The following ADAMTS19 variants were observed in gnomAD, a reference collection of about 807,000 sequenced individuals.
ADAMTS19 encodes A disintegrin and metalloproteinase with thrombospondin motifs 19.
A neutral mutation model predicts 153.3 loss-of-function variants in ADAMTS19; 93 were observed. The ratio of observed to expected loss-of-function variants is 0.61; its 90% CI spans 0.51 to 0.72. The LOEUF (loss-of-function observed/expected upper bound fraction) is 0.72, where lower values mean the gene tolerates loss of function less well. Among genes scored for constraint, ADAMTS19 ranks in the 30% least tolerant of loss-of-function variants. ADAMTS19 has a pLI of 0.00. For synonymous variants in ADAMTS19, 600 were observed against 556.6 expected (o/e 1.08, Z -1.10); for missense variants, 1,482 against 1,552.1 (o/e 0.95, Z 0.76).
intron 17 of ADAMTS19, among the ~76,000 whole-genome samples, chr5:129,681,832 G>C (rs1754829423): frequency 1.3e-5 from 2 of 152,090 alleles, no homozygotes; most frequent in African/African-American, 4.8e-5. Context: ...TCTGCCTTAT[G>C]CCATCTAGCG....
At chr5:129,633,095 GT>G (rs910093170) in intron 10 of ADAMTS19, among the ~76,000 whole-genome samples, 1 of 151,934 alleles carries the variant, frequency 6.6e-6, no homozygotes, top group African/African-American at 2.4e-5. Flanking sequence ...CTCCTTCAGA[GT>G]GGGTAATTCC....
At chr5:129,655,309 A>G (rs144251412) in intron 14 of ADAMTS19, among the ~76,000 whole-genome samples, 1 of 152,264 alleles carries the variant, frequency 6.6e-6, no homozygotes, top group Non-Finnish European at 1.5e-5. Flanking sequence ...AACATCTACT[A>G]TTGTTTGGAT....
intron 16 of ADAMTS19, among the ~76,000 whole-genome samples, chr5:129,666,259 A>C (rs1754051582): frequency 6.6e-6 from 1 of 152,146 alleles, no homozygotes. Flanking sequence ...CATATGTTAA[A>C]GTTTCAATCT....
intron 6 of ADAMTS19, among the ~76,000 whole-genome samples, chr5:129,529,563 A>C (rs1441999160): frequency 2.6e-5 from 4 of 152,200 alleles, no homozygotes; most frequent in African/African-American, 9.6e-5. Flanking sequence ...TAGTCATTGG[A>C]GAATGAACAG....
intron 3 of ADAMTS19, among the ~76,000 whole-genome samples, chr5:129,517,794 T>C (rs1751661780): frequency 6.6e-6 from 1 of 152,072 alleles, no homozygotes; most frequent in Non-Finnish European, 1.5e-5. Context: ...AATGTTATTA[T>C]TGATAAGTAA....
chr5:129,460,611 G>C (rs1749614623), intron 1 of ADAMTS19, 129 bp downstream of exon 1: 1 of 1,001,928 alleles, frequency 1.0e-6, no homozygotes, highest in East Asian at 2.4e-5. Flanking sequence ...ATAAAAATGA[G>C]CTTGAGGTGC....
At chr5:129,666,216 A>C (rs994066527) in intron 16 of ADAMTS19, among the ~76,000 whole-genome samples, 2 of 151,260 alleles carry the variant, frequency 1.3e-5, no homozygotes, top group Non-Finnish European at 2.9e-5. Context: ...TAAATATATG[A>C]AAAAAATACT....
At chr5:129,543,897 A>T (rs1752753762) in intron 6 of ADAMTS19, among the ~76,000 whole-genome samples, 1 of 152,182 alleles carries the variant, frequency 6.6e-6, no homozygotes, top group Non-Finnish European at 1.5e-5. Context: ...TGGTAAATGT[A>T]TTCCTAAATT....
At chr5:129,592,762 TAAG>T (rs1171808697) in intron 7 of ADAMTS19, among the ~76,000 whole-genome samples, 8 of 152,160 alleles carry the variant, frequency 5.3e-5, no homozygotes, top group African/African-American at 1.9e-4. Context: ...CCCTAGTCTA[TAAG>T]AAGTTCTACT....
intron 8 of ADAMTS19, among the ~76,000 whole-genome samples, chr5:129,615,462 T>C (rs1751472286): frequency 6.6e-6 from 1 of 152,040 alleles, no homozygotes; most frequent in Non-Finnish European, 1.5e-5. Context: ...CTAAATATTC[T>C]ATTTTAATTC....
intron 3 of ADAMTS19, among the ~76,000 whole-genome samples, chr5:129,525,785 C>T (rs6894829): frequency 2.6e-5 from 4 of 152,084 alleles, no homozygotes; most frequent in East Asian, 3.9e-4. Flanking sequence ...GAAAGTGGAG[C>T]TGAATCCTTT....
chr5:129,690,190 G>T (rs1457975073), intron 18 of ADAMTS19, among the ~76,000 whole-genome samples: 1 of 152,186 alleles, frequency 6.6e-6, no homozygotes, highest in Non-Finnish European at 1.5e-5. Context: ...TCTAGTGGAA[G>T]TCAGATAATA....
At position 129,461,202 on chromosome 5, in the gene ADAMTS19, G is replaced by C. The variant is rs1749641000; in HGVS notation, c.192G>C (p.Ala64=). The part of the protein sequence containing the change: ...VDPAGGSGGS[A]DPGWVRGVGG... The stretch of plus-strand genomic sequence containing the variant: ...CGGCTGGCGGCAGCGGGGGCAGCGC[G>C]GACCCGGGCTGGGTGCGCGGCGTTG... Residue 64 remains alanine, a synonymous_variant, in exon 2 of 23, where the codon GCG becomes GCC. Coordinates refer to ENST00000274487, the MANE Select transcript of ADAMTS19 (RefSeq NM_133638.6). The surrounding 1 kb of genome is among the most constrained non-coding windows in gnomAD (Gnocchi z 4.6). 7.7e-7 allele frequency: 1 copy of C among 1,306,654 alleles called. No individual in the cohort carries two copies. Among genetic ancestry groups the C allele is most frequent in the Admixed American group, 3.8e-5 (1 of 26,038 alleles). The allele number at this position is 1,306,654 out of a possible 1,614,324, so 80.9% of individuals were successfully genotyped here.
At chr5:129,538,540 G>A (rs1194060241) in intron 6 of ADAMTS19, among the ~76,000 whole-genome samples, 1 of 151,928 alleles carries the variant, frequency 6.6e-6, no homozygotes, top group East Asian at 1.9e-4. Context: ...CTCCCTTGTT[G>A]CTAGCTTTCC....
chr5:129,664,973 T>C lies in ADAMTS19; in HGVS notation c.2426-526T>C, dbSNP rs924550161. Among the ~76,000 whole-genome samples the C allele has an allele frequency of 2.0e-5, 3 of 152,170 alleles. No homozygotes were observed. In the East Asian group the frequency reaches 5.8e-4, roughly 29 times the overall value. ...AGATTGCTTGGCGCGACCTTACACT[T>C]TCTGTCTCCGGCATCGGTTTCAAAA... On this transcript the variant is annotated intron_variant, in intron 15 of 22. Transcript: ENST00000274487.
At chr5:129,707,564 A>G (rs1041697763) in intron 21 of ADAMTS19, among the ~76,000 whole-genome samples, 2 of 152,326 alleles carry the variant, frequency 1.3e-5, no homozygotes, top group Admixed American at 1.3e-4. Context: ...AGACCATCCC[A>G]AAATAATTAC....
intron 6 of ADAMTS19, among the ~76,000 whole-genome samples, chr5:129,538,182 T>G (rs533044615): frequency 1.3e-5 from 2 of 152,072 alleles, no homozygotes; most frequent in Admixed American, 6.6e-5. Context: ...ACAAATGCAA[T>G]ATATATTACA....
rs554607487 is a variant in ADAMTS19, at chr5:129,701,174, C to G, written c.2955-214C>G. Among the ~76,000 whole-genome samples, 271 of 150,092 alleles carry G rather than the reference C, an allele frequency of 1.8e-3. 1 individual carries two copies. Among genetic ancestry groups the G allele is most frequent in the Non-Finnish European group, 2.5e-3 (168 of 67,570 alleles). On this transcript the variant is annotated intron_variant, in intron 19 of 22. Coordinates refer to ENST00000274487, the MANE Select transcript of ADAMTS19 (RefSeq NM_133638.6). ...TTCCCCTGCACACACCCTCTCTTGC[C>G]TCCTGCCATACGAGATGTGTCTTGC...
Position 129,526,882 on chromosome 5 carries a change from T to C in ADAMTS19, c.1086+426T>C, listed in dbSNP as rs115781662. Among the ~76,000 whole-genome samples, 448 of 151,960 alleles carry C rather than the reference T, an allele frequency of 2.9e-3. 5 individuals carry two copies. The highest frequency in any genetic ancestry group is 0.01 in the African/African-American group (431 of 41,514). On this transcript the variant is annotated intron_variant, in intron 4 of 22. Transcript: ENST00000274487. ...AAGATATTTTGATAGAGGTATACTT[T>C]TGGTGAAATTATCATAAATATTTTA...
Sources: gnomAD v4.1 joint callset for allele counts (sites outside exome capture counted in the v4.1 genomes callset) on GRCh38, gnomAD v4.1.1 for gene constraint, Gnocchi (gnomAD v3.1) non-coding constraint, MANE v1.5 for transcripts, NCBI Gene and HGNC (gene_info 2026-07-23, HGNC 2026-07-21) for gene names.